The following CABCOCO1 variants were observed in gnomAD, a reference collection of about 807,000 sequenced individuals.
CABCOCO1 encodes the protein ciliary associated calcium binding coiled-coil 1.
Under a neutral mutation model 35.7 loss-of-function variants are expected in CABCOCO1, and 28 were observed. The observed-to-expected ratio is 0.78, with a 90% confidence interval of 0.58 to 1.07. The LOEUF is 1.07. Among genes scored for constraint, CABCOCO1 ranks in the 50% least tolerant of loss-of-function variants. The pLI is 0.00. For synonymous variants in CABCOCO1, 95 were observed against 100.1 expected (o/e 0.95, Z 0.30); for missense variants, 326 against 309.2 (o/e 1.05, Z -0.41).
At chr10:61,681,602 T>C (rs771426461) in intron 3 of CABCOCO1, among the ~76,000 whole-genome samples, 14 of 152,124 alleles carry the variant, frequency 9.2e-5, no homozygotes, top group Non-Finnish European at 1.3e-4. Flanking sequence ...TCTGTGGTAT[T>C]CTTGTGAAAT....
At chr10:61,716,330 G>A (rs75009006) in intron 5 of CABCOCO1, among the ~76,000 whole-genome samples, 3,324 of 152,198 alleles carry the variant, frequency 0.022, 48 homozygotes, top group South Asian at 0.06. Flanking sequence ...TAGAAGTCAG[G>A]CTCAGAACTG....
intron 7 of CABCOCO1, among the ~76,000 whole-genome samples, chr10:61,762,948 G>C (rs1842036640): frequency 6.6e-6 from 1 of 151,992 alleles, no homozygotes; most frequent in South Asian, 2.1e-4. Context: ...TCCTATTTTA[G>C]ATGTGTAGGT....
At position 61,755,329 on chromosome 10, in the gene CABCOCO1, T is replaced by C. The variant is rs146518706; in HGVS notation, c.553-4730T>C. Among the ~76,000 whole-genome samples the C allele has an allele frequency of 8.7e-4, 133 of 152,236 alleles. 1 individual carries two copies. The highest frequency in any genetic ancestry group is 3.0e-3 in the African/African-American group (125 of 41,568). On this transcript the variant is annotated intron_variant, in intron 5 of 7. Transcript: ENST00000648843. ...TTTCCAGAGCCACACAAGTACTTCTTAATTAGACTTGCAAATGAGTAATGC... is the reference window on the plus strand; with the variant it reads ...TTTCCAGAGCCACACAAGTACTTCTCAATTAGACTTGCAAATGAGTAATGC...
intron 2 of CABCOCO1, among the ~76,000 whole-genome samples, chr10:61,680,345 T>G (rs1839675737): frequency 7.2e-6 from 1 of 139,676 alleles, no homozygotes; most frequent in South Asian, 2.1e-4. Context: ...TATATACATA[T>G]AACATATATA....
chr10:61,731,729 AAGGG>A (rs1228741706), intron 5 of CABCOCO1, among the ~76,000 whole-genome samples: 1 of 134,022 alleles, frequency 7.5e-6, no homozygotes, highest in Non-Finnish European at 1.6e-5. Flanking sequence ...TTAAAAATGG[AAGGG>A]AGGGAGGGAG....
intron 5 of CABCOCO1, among the ~76,000 whole-genome samples, chr10:61,718,207 C>T (rs1483999408): frequency 6.6e-6 from 1 of 152,064 alleles, no homozygotes; most frequent in Non-Finnish European, 1.5e-5. Flanking sequence ...TATGATTTTC[C>T]ATAAAGAGAT....
chr10:61,738,065 A>C (rs1174556863), intron 5 of CABCOCO1, among the ~76,000 whole-genome samples: 1 of 151,554 alleles, frequency 6.6e-6, no homozygotes, highest in East Asian at 1.9e-4. Flanking sequence ...AAAAAAAAAA[A>C]AAACAAAGAC....
chr10:61,759,468 T>A (rs751122406), intron 5 of CABCOCO1, among the ~76,000 whole-genome samples: 1 of 151,988 alleles, frequency 6.6e-6, no homozygotes, highest in Non-Finnish European at 1.5e-5. Context: ...TCCTTCTGAG[T>A]GGCACGCTGT....
chr10:61,762,261 G>A (rs1198772313), intron 7 of CABCOCO1, among the ~76,000 whole-genome samples: 1 of 152,084 alleles, frequency 6.6e-6, no homozygotes, highest in African/African-American at 2.4e-5. Flanking sequence ...CCAAAGCTGT[G>A]TTCCATGCAG....
Position 61,680,674 on chromosome 10 carries a change from ATATG to A in CABCOCO1, c.165-467_165-464del, listed in dbSNP as rs1839740905. On this transcript the variant is annotated intron_variant, in intron 2 of 7. Transcript: ENST00000648843. ...ATATTATGTTATACATGTATAACATATATGTTATACATGTATAACATATATATGT... is the reference window on the plus strand; with the variant it reads ...ATATTATGTTATACATGTATAACATATTATACATGTATAACATATATATGT... Among the ~76,000 whole-genome samples, 2 of 77,880 alleles carry A rather than the reference ATATG, an allele frequency of 2.6e-5. 1 individual carries two copies. Among genetic ancestry groups the A allele is most frequent in the African/African-American group, 1.0e-4 (2 of 19,512 alleles). 51.1% of individuals were successfully genotyped at this position (77,880 alleles called of 152,430 possible).
intron 5 of CABCOCO1, among the ~76,000 whole-genome samples, chr10:61,745,645 A>G (rs1841639571): frequency 6.6e-6 from 1 of 152,206 alleles, no homozygotes; most frequent in Non-Finnish European, 1.5e-5. Context: ...TTGCACATGG[A>G]ACGCACACAG....
At position 61,680,226 on chromosome 10, in the gene CABCOCO1, C is replaced by T. The variant is rs1229139843; in HGVS notation, c.165-917C>T. ...ACTCTGGAGGCTGAGGAAGAAGAAT[C>T]GCTTGAACTGGAGAGGCAGCGGTTG... On this transcript the variant is annotated intron_variant, in intron 2 of 7. Coordinates refer to ENST00000648843, the MANE Select transcript of CABCOCO1 (RefSeq NM_001366906.2). 2.0e-5 allele frequency among the ~76,000 whole-genome samples: 3 copies of T among 149,944 alleles called. No homozygotes were observed. The East Asian group carries it at 5.8e-4, about 29-fold the overall frequency.
Position 61,671,809 on chromosome 10 carries a change from C to A in CABCOCO1, c.61-823C>A, listed in dbSNP as rs1564528974. On this transcript the variant is annotated intron_variant, in intron 1 of 7. Coordinates refer to ENST00000648843, the MANE Select transcript of CABCOCO1 (RefSeq NM_001366906.2). ...AGTTTTGTCTTGTCATTTACCTGCCCAGAAACTTCATGGTTCTGAGTGCTG... is the reference window on the plus strand; with the variant it reads ...AGTTTTGTCTTGTCATTTACCTGCCAAGAAACTTCATGGTTCTGAGTGCTG... Among the ~76,000 whole-genome samples the A allele has an allele frequency of 1.3e-5, 2 of 152,182 alleles. 1 individual carries two copies. The highest frequency in any genetic ancestry group is 2.9e-5 in the Non-Finnish European group (2 of 68,036).
intron 5 of CABCOCO1, among the ~76,000 whole-genome samples, chr10:61,703,947 C>T (rs1260034084): frequency 2.6e-5 from 4 of 152,100 alleles, no homozygotes; most frequent in South Asian, 4.1e-4. Flanking sequence ...CGCAGTGGCT[C>T]ACGCCTGTAA....
chr10:61,759,986 A>ATGACTTGGAACTATGGTACATATG, intron 5 of CABCOCO1, 73 bp from the exon 6 acceptor site: 1 of 1,560,902 alleles, frequency 6.4e-7, no homozygotes. Flanking sequence ...TGGTACATAT[A>ATGACTTGGAACTATGGTACATATG]TAACGGAACT....
intron 5 of CABCOCO1, among the ~76,000 whole-genome samples, chr10:61,705,727 T>G (rs1453080260): frequency 1.3e-5 from 2 of 152,212 alleles, no homozygotes; most frequent in Non-Finnish European, 2.9e-5. Flanking sequence ...TAGGCAAACA[T>G]GTAGTGCAAA....
rs144911450 is a variant in CABCOCO1, at chr10:61,708,245, G to A, written c.552+17624G>A. Among the ~76,000 whole-genome samples, 627 of 150,656 alleles carry A rather than the reference G, an allele frequency of 4.2e-3. 8 individuals are homozygous for A. The highest frequency in any genetic ancestry group is 0.014 in the African/African-American group (576 of 40,758). The stretch of plus-strand genomic sequence containing the variant: ...TGAATTCATGAATGTGTTGTTGTGA[G>A]GATGCAATGGAAGTGGTTACTTTAA... On this transcript the variant is annotated intron_variant, in intron 5 of 7. Coordinates refer to ENST00000648843, the MANE Select transcript of CABCOCO1 (RefSeq NM_001366906.2).
At chr10:61,666,798 A>G (rs896273897) in intron 1 of CABCOCO1, among the ~76,000 whole-genome samples, 4 of 150,778 alleles carry the variant, frequency 2.7e-5, no homozygotes, top group African/African-American at 4.9e-5. Flanking sequence ...GTCTCTTCCC[A>G]TTGAGAACAG....
chr10:61,708,243 G>A (rs1840641360), intron 5 of CABCOCO1, among the ~76,000 whole-genome samples: 4 of 150,784 alleles, frequency 2.7e-5, no homozygotes, highest in South Asian at 4.2e-4. Flanking sequence ...GTGTTGTTGT[G>A]AGGATGCAAT....
Sources: allele counts gnomAD v4.1 joint callset (sites outside exome capture counted in the v4.1 genomes callset), GRCh38; gene constraint gnomAD v4.1.1; transcripts MANE v1.5; gene names NCBI Gene and HGNC (gene_info 2026-07-23, HGNC 2026-07-21).